Variants in NTNG1 observed in about 807,000 individuals in gnomAD.
The protein encoded by NTNG1 is netrin-G1.
Under a neutral mutation model 54.0 loss-of-function variants are expected in NTNG1, and 16 were observed. The observed-to-expected ratio is 0.30, with a 90% CI of 0.20 to 0.45. The LOEUF is 0.45. NTNG1 is among the 20% of genes least tolerant of loss of function. The pLI, the probability that NTNG1 is intolerant of heterozygous loss-of-function variation, is 1.00. For missense variants in NTNG1, 530 were observed against 678.7 expected, an observed-to-expected ratio of 0.78 and a Z score of 2.43; for synonymous variants, 255 against 263.1, an observed-to-expected ratio of 0.97 and a Z score of 0.30.
Position 107,333,341 on chromosome 1 carries a change from T to C in NTNG1, c.887+8419T>C, listed in dbSNP as rs575585898. 3.3e-5 allele frequency among the ~76,000 whole-genome samples: 5 copies of C among 152,130 alleles called. 1 individual carries two copies. In the South Asian group the frequency reaches 1.0e-3, roughly 32 times the overall value. On this transcript the variant is annotated intron_variant, in intron 3 of 7. Coordinates refer to ENST00000370068, the MANE Select transcript of NTNG1 (RefSeq NM_001113226.3). ...CATCTACAAAATGAGATTTTTATACTATTTTACTGTTTCTCAGGATGTACT... is the reference window on the plus strand; with the variant it reads ...CATCTACAAAATGAGATTTTTATACCATTTTACTGTTTCTCAGGATGTACT...
At chr1:107,349,563 C>T (rs896769233) in intron 3 of NTNG1, among the ~76,000 whole-genome samples, 2 of 152,138 alleles carry the variant, frequency 1.3e-5, no homozygotes, top group African/African-American at 4.8e-5. Context: ...CATGCTGCTA[C>T]ATGTCCCTGA....
intron 3 of NTNG1, among the ~76,000 whole-genome samples, chr1:107,355,464 G>A (rs1297492534): frequency 6.6e-6 from 1 of 151,666 alleles, no homozygotes; most frequent in Non-Finnish European, 1.5e-5. Context: ...GGGGTAATGG[G>A]GACTGGATCT....
Position 107,279,242 on chromosome 1 carries a change from C to T in NTNG1, c.247-45040C>T, listed in dbSNP as rs139392106. ...TGGCTCATATCTACCTCATATTAAT[C>T]TCTATACTTTTTTGTACAGTTTTTT... On this transcript the variant is annotated intron_variant, in intron 2 of 7. Coordinates refer to ENST00000370068, the MANE Select transcript of NTNG1 (RefSeq NM_001113226.3). Among the ~76,000 whole-genome samples the T allele has an allele frequency of 3.5e-4, 53 of 152,254 alleles. No homozygotes were observed. The East Asian group carries it at 9.6e-3, about 28-fold the overall frequency.
At chr1:107,458,164 T>A (rs534917769) in intron 7 of NTNG1, among the ~76,000 whole-genome samples, 2 of 152,282 alleles carry the variant, frequency 1.3e-5, no homozygotes, top group South Asian at 4.1e-4. Context: ...ATCCCCTTAC[T>A]TTAAATCTAT....
intron 7 of NTNG1, among the ~76,000 whole-genome samples, chr1:107,439,868 T>TA (rs34085368): frequency 2.6e-4 from 39 of 151,032 alleles, no homozygotes; most frequent in Admixed American, 1.1e-3. Flanking sequence ...GGAAGGTTGA[T>TA]AATTTTTTTT....
At chr1:107,453,185 G>A (rs1304492188) in intron 7 of NTNG1, among the ~76,000 whole-genome samples, 8 of 152,162 alleles carry the variant, frequency 5.3e-5, no homozygotes, top group African/African-American at 1.7e-4. Flanking sequence ...CTTCAAATTA[G>A]AATTTTATTT....
Position 107,361,374 on chromosome 1 carries a change from C to CATATAT in NTNG1, c.888-33767_888-33762dup, listed in dbSNP as rs1553232701. On this transcript the variant is annotated intron_variant, in intron 3 of 7. Coordinates refer to ENST00000370068, the MANE Select transcript of NTNG1 (RefSeq NM_001113226.3). ...ACATTATATAACATATATATATATA[C>CATATAT]ATATATATATATATATATTTTTTTT... is the stretch of plus-strand genomic sequence containing the variant. Among the ~76,000 whole-genome samples the CATATAT allele has an allele frequency of 5.0e-3, 436 of 87,930 alleles. 13 individuals carry two copies. Among genetic ancestry groups the CATATAT allele is most frequent in the African/African-American group, 0.011 (249 of 22,888 alleles). 57.7% of individuals were successfully genotyped at this position (87,930 alleles called of 152,430 possible). A position where few individuals can be genotyped will look rare whatever the true frequency, so the allele number is the denominator to read the frequency against.
At chr1:107,417,061 A>G (rs572470599) in intron 5 of NTNG1, among the ~76,000 whole-genome samples, 12 of 152,130 alleles carry the variant, frequency 7.9e-5, no homozygotes, top group Non-Finnish European at 1.8e-4. Context: ...GGCTTGTCCT[A>G]TTAATTCAAT....
intron 2 of NTNG1, among the ~76,000 whole-genome samples, chr1:107,197,461 T>G (rs112446722): frequency 6.6e-6 from 1 of 152,154 alleles, no homozygotes; most frequent in Non-Finnish European, 1.5e-5. Context: ...ATGATATCTT[T>G]GAAGTTCTGC....
rs531581445 is a variant in NTNG1, at chr1:107,237,335, C to G, written c.247-86947C>G. Among the ~76,000 whole-genome samples, 9 of 152,198 alleles carry G rather than the reference C, an allele frequency of 5.9e-5. No individual in the cohort carries two copies. In the South Asian group the frequency reaches 1.9e-3, roughly 32 times the overall value. On this transcript the variant is annotated intron_variant, in intron 2 of 7. Transcript: ENST00000370068. ...AGCAGCAAAGCATTCAAGAGATGACCTGGGTGTTGTTAAAGGCATTCGTTT... is the reference window on the plus strand; with the variant it reads ...AGCAGCAAAGCATTCAAGAGATGACGTGGGTGTTGTTAAAGGCATTCGTTT...
chr1:107,227,864 A>T (rs1375611686), intron 2 of NTNG1, among the ~76,000 whole-genome samples: 1 of 152,178 alleles, frequency 6.6e-6, no homozygotes, highest in Non-Finnish European at 1.5e-5. Flanking sequence ...ACAGAACGTC[A>T]TTGTGAAATG....
chr1:107,158,251 T>C (rs1240729337), intron 2 of NTNG1, among the ~76,000 whole-genome samples: 1 of 152,176 alleles, frequency 6.6e-6, no homozygotes, highest in Non-Finnish European at 1.5e-5. Context: ...TTTCTTTTCT[T>C]ACAAAAGGGG....
At chr1:107,264,194 C>T (rs1404143233) in intron 2 of NTNG1, among the ~76,000 whole-genome samples, 1 of 152,064 alleles carries the variant, frequency 6.6e-6, no homozygotes, top group Non-Finnish European at 1.5e-5. Flanking sequence ...GAATTCTTAG[C>T]CACACCCCCT....
At chr1:107,480,569 T>TAGC in intron 7 of NTNG1, 42 bp from the exon 8 acceptor site, 1 of 609,594 alleles carries the variant, frequency 1.6e-6, no homozygotes, top group Non-Finnish European at 3.1e-6. Flanking sequence ...CTGCTTCTCC[T>TAGC]CCCCGCGCCC....
At chr1:107,218,041 C>T (rs537351029) in intron 2 of NTNG1, among the ~76,000 whole-genome samples, 1 of 152,222 alleles carries the variant, frequency 6.6e-6, no homozygotes, top group Admixed American at 6.5e-5. Flanking sequence ...GTCAGTGGAG[C>T]ACTGAAGTCC....
chr1:107,319,904 C>T (rs1164588182), intron 2 of NTNG1, among the ~76,000 whole-genome samples: 1 of 150,234 alleles, frequency 6.7e-6, no homozygotes, highest in Non-Finnish European at 1.5e-5. Context: ...AAGGGCTTAG[C>T]AGATCTTAGG....
intron 2 of NTNG1, among the ~76,000 whole-genome samples, chr1:107,193,104 A>G (rs977642306): frequency 2.0e-5 from 3 of 152,050 alleles, no homozygotes; most frequent in African/African-American, 7.2e-5. Flanking sequence ...AATTAAAAGT[A>G]CCTTGATAGG....
At chr1:107,140,822 A>G (rs907772842), upstream of NTNG1, 3 of 152,498 alleles carry the variant, frequency 2.0e-5, no homozygotes, top group African/African-American at 7.2e-5. Flanking sequence ...TCCCTCAGTA[A>G]AAGTTTAAGG....
chr1:107,242,177 G>T (rs950421311), intron 2 of NTNG1, among the ~76,000 whole-genome samples: 8 of 152,116 alleles, frequency 5.3e-5, no homozygotes, highest in African/African-American at 1.9e-4. Flanking sequence ...GGAGGAGGGG[G>T]GGTGAGGGGA....
Sources: allele counts gnomAD v4.1 joint callset (sites outside exome capture counted in the v4.1 genomes callset), GRCh38; gene constraint gnomAD v4.1.1; transcripts MANE v1.5; gene names NCBI Gene and HGNC (gene_info 2026-07-23, HGNC 2026-07-21).